Variants in ITPR2 observed in about 807,000 individuals in gnomAD.
ITPR2 encodes inositol 1,4,5-trisphosphate receptor type 2, also known as inositol 1,4,5-trisphosphate-gated calcium channel ITPR2.
Under a neutral mutation model 317.1 loss-of-function variants are expected in ITPR2, and 207 were observed. That is an observed-to-expected ratio of 0.65 (90% CI 0.58 to 0.73). The LOEUF (loss-of-function observed/expected upper bound fraction) is 0.73. Among genes scored for constraint, ITPR2 ranks in the 30% least tolerant of loss-of-function variants. The pLI is 0.00. For synonymous variants in ITPR2, 1,156 were observed against 1,149.1 expected, an observed-to-expected ratio of 1.01 and a Z score of -0.12; for missense variants, 2,613 against 3,284.0, an observed-to-expected ratio of 0.80 and a Z score of 4.99.
Position 26,411,312 on chromosome 12 carries a change from C to T in ITPR2, c.7399+8G>A. The T allele has an allele frequency of 6.2e-7, 1 of 1,603,274 alleles. No homozygotes were observed. Among genetic ancestry groups the T allele is most frequent in the Non-Finnish European group, 8.5e-7 (1 of 1,170,422 alleles). On this transcript the variant is annotated splice_region_variant and intron_variant, in intron 52 of 56. Coordinates refer to ENST00000381340, the MANE Select transcript of ITPR2 (RefSeq NM_002223.4). ...AGTTCATACTGACCCAGAGTCCTTT[C>T]TACAAACCTGTATTTGAAGCTGGAA...
chr12:26,764,715 A>T (rs1949690291), intron 2 of ITPR2, among the ~76,000 whole-genome samples: 1 of 122,900 alleles, frequency 8.1e-6, no homozygotes, highest in African/African-American at 2.5e-5. Context: ...AAACAACAAC[A>T]ACAAAAAAAC....
chr12:26,748,085 G>C (rs1017113335), intron 2 of ITPR2, among the ~76,000 whole-genome samples: 7 of 152,128 alleles, frequency 4.6e-5, no homozygotes, highest in Non-Finnish European at 1.0e-4. Flanking sequence ...TTGAGATGGA[G>C]TCTCACTCTG....
chr12:26,561,231 T>C lies in ITPR2; in HGVS notation c.4821+531A>G, dbSNP rs142521123. ...AAGCCTCAGGAGAAAGCATACCTGCTGATACCTTGATCTTGGACTTCTAGC... is the reference window on the plus strand; with the variant it reads ...AAGCCTCAGGAGAAAGCATACCTGCCGATACCTTGATCTTGGACTTCTAGC... On this transcript the variant is annotated intron_variant, in intron 35 of 56. Coordinates refer to ENST00000381340, the MANE Select transcript of ITPR2 (RefSeq NM_002223.4). Among the ~76,000 whole-genome samples the C allele has an allele frequency of 2.2e-3, 338 of 152,322 alleles. 1 individual carries two copies. The highest frequency in any genetic ancestry group is 0.017 in the Admixed American group (266 of 15,294).
chr12:26,535,651 A>C (rs1431846726), intron 37 of ITPR2, among the ~76,000 whole-genome samples: 1 of 152,258 alleles, frequency 6.6e-6, no homozygotes, highest in Non-Finnish European at 1.5e-5. Context: ...AAAGAGCTGA[A>C]GTAAAAACAT....
Position 26,654,020 on chromosome 12 carries a change from G to C in ITPR2, c.2696C>G (p.Pro899Arg). The change falls in exon 21 of 57, where the codon CCC (proline) becomes CGC (arginine). Residue 899 changes from proline (P) to arginine (R), a missense_variant. Transcript: ENST00000381340. ...TAATCTTTCAAAGTATGATGACATG[G>C]GGGCCTGTACAATGTCTAAAATAGC... is the stretch of plus-strand genomic sequence containing the variant. The part of the protein sequence containing the change: ...LLAILDIVQA[P>R]MSSYFERLSK... 1 of 1,610,412 alleles carries C rather than the reference G, an allele frequency of 6.2e-7. No individual in the cohort carries two copies. The highest frequency in any genetic ancestry group is 1.7e-5 in the Admixed American group (1 of 59,550).
Position 26,654,386 on chromosome 12 carries a change from T to C in ITPR2, c.2590-260A>G, listed in dbSNP as rs140411838. Among the ~76,000 whole-genome samples, 1,033 of 152,322 alleles carry C rather than the reference T, an allele frequency of 6.8e-3. 2 individuals carry two copies. Among genetic ancestry groups the C allele is most frequent in the Non-Finnish European group, 0.011 (777 of 68,026 alleles). ...AAAATTTACACTAGAATTATTTACA[T>C]CCTAATTAAACATTAAGTAATTTAA... On this transcript the variant is annotated intron_variant, in intron 20 of 56. Transcript: ENST00000381340.
At chr12:26,608,892 T>C (rs1452969199) in intron 26 of ITPR2, among the ~76,000 whole-genome samples, 3 of 152,098 alleles carry the variant, frequency 2.0e-5, no homozygotes, top group African/African-American at 4.8e-5. Context: ...AACAGTATTA[T>C]GTAAAATGTA....
At chr12:26,624,177 G>A (rs189688527) in intron 24 of ITPR2, 122 bp downstream of exon 24, 5 of 662,472 alleles carry the variant, frequency 7.5e-6, no homozygotes, top group Non-Finnish European at 2.6e-6. Context: ...CAGAAATTAT[G>A]TTAGCAACAA....
intron 2 of ITPR2, among the ~76,000 whole-genome samples, chr12:26,765,871 T>G (rs1949711144): frequency 6.6e-6 from 1 of 152,178 alleles, no homozygotes; most frequent in Non-Finnish European, 1.5e-5. Flanking sequence ...TTCTTGACAT[T>G]CCATATAAAT....
At chr12:26,594,155 C>CTGCATAAAA (rs1228741212) in intron 32 of ITPR2, among the ~76,000 whole-genome samples, 2 of 152,152 alleles carry the variant, frequency 1.3e-5, no homozygotes, top group Admixed American at 6.5e-5. Flanking sequence ...AGGACGATTT[C>CTGCATAAAA]TCTACAGGTG....
chr12:26,487,309 A>G (rs1371194129), intron 39 of ITPR2, 58 bp from the exon 40 acceptor site: 10 of 1,264,578 alleles, frequency 7.9e-6, no homozygotes, highest in Non-Finnish European at 1.1e-5. Context: ...TGGTGTTTTT[A>G]TGCTTGAACT....
intron 37 of ITPR2, among the ~76,000 whole-genome samples, chr12:26,529,354 C>T (rs755086671): frequency 2.6e-5 from 4 of 152,198 alleles, no homozygotes; most frequent in Non-Finnish European, 5.9e-5. Flanking sequence ...TCTAGCCACA[C>T]TGGCTTCCTT....
intron 37 of ITPR2, among the ~76,000 whole-genome samples, chr12:26,516,310 A>AGGAAGGGAAGGGAAGGGAAG (rs1565574702): frequency 8.0e-6 from 1 of 125,072 alleles, no homozygotes; most frequent in African/African-American, 2.9e-5. Flanking sequence ...AGGAAAGGAA[A>AGGAAGGGAAGGGAAGGGAAG]GGAAAGGAAA....
At chr12:26,667,985 C>T (rs1206462908) in intron 13 of ITPR2, among the ~76,000 whole-genome samples, 1 of 152,192 alleles carries the variant, frequency 6.6e-6, no homozygotes. Flanking sequence ...GGAAAAGCAA[C>T]CTTCTCTTTT....
chr12:26,681,862 T>G lies in ITPR2; in HGVS notation c.1409+12A>C. The G allele has an allele frequency of 6.6e-7, 1 of 1,518,772 alleles. No homozygotes were observed. Among genetic ancestry groups the G allele is most frequent in the Non-Finnish European group, 8.8e-7 (1 of 1,132,636 alleles). 94.1% of individuals were successfully genotyped at this position (1,518,772 alleles called of 1,614,324 possible). A position where few individuals can be genotyped will look rare whatever the true frequency, so the allele number is the denominator to read the frequency against. ...TGACTCGTGATTATTTAAGACCAAT[T>G]TAAAGAGTTACCTCCTTTCATTCTG... On this transcript the variant is annotated intron_variant, in intron 13 of 56. Transcript: ENST00000381340.
At chr12:26,698,745 T>G (rs1405142713) in intron 9 of ITPR2, among the ~76,000 whole-genome samples, 1 of 152,110 alleles carries the variant, frequency 6.6e-6, no homozygotes, top group Non-Finnish European at 1.5e-5. Context: ...ATTCCTTAAG[T>G]TCCCTTGAAT....
At chr12:26,815,918 C>T (rs989842446) in intron 1 of ITPR2, among the ~76,000 whole-genome samples, 1 of 151,676 alleles carries the variant, frequency 6.6e-6, no homozygotes, top group Non-Finnish European at 1.5e-5. Context: ...ACGGTGAAAC[C>T]CCACCTCCAC....
intron 1 of ITPR2, among the ~76,000 whole-genome samples, chr12:26,792,441 C>T (rs934879520): frequency 6.6e-6 from 1 of 151,618 alleles, no homozygotes; most frequent in African/African-American, 2.4e-5. Flanking sequence ...TACAATATCC[C>T]CAACAACCTC....
intron 45 of ITPR2, among the ~76,000 whole-genome samples, chr12:26,458,009 T>C (rs1289827012): frequency 1.3e-5 from 2 of 152,114 alleles, no homozygotes; most frequent in African/African-American, 4.8e-5. Context: ...CCTGAGCATG[T>C]TGGTGAGCAC....
Sources: gnomAD v4.1 joint callset for allele counts (sites outside exome capture counted in the v4.1 genomes callset) on GRCh38, gnomAD v4.1.1 for gene constraint, MANE v1.5 for transcripts, NCBI Gene and HGNC (gene_info 2026-07-23, HGNC 2026-07-21) for gene names.